RYR3: variants seen among roughly 807,000 people sequenced by gnomAD.
RYR3 encodes ryanodine receptor 3.
A neutral mutation model predicts 584.3 loss-of-function variants in RYR3; 207 were observed. That is an observed-to-expected ratio of 0.35 (90% CI 0.32 to 0.40). RYR3 has a LOEUF of 0.40. RYR3 is among the 10% of genes least tolerant of loss of function. The pLI, the probability that RYR3 is intolerant of heterozygous loss-of-function variation, is 1.00. For missense variants in RYR3, 5,616 were observed against 6,089.2 expected, an observed-to-expected ratio of 0.92 and a Z score of 2.59; for synonymous variants, 2,416 against 2,248.5, an observed-to-expected ratio of 1.07 and a Z score of -2.11.
At chr15:33,478,498 G>A (rs8034738) in intron 2 of RYR3, among the ~76,000 whole-genome samples, 23,253 of 152,140 alleles carry the variant, frequency 0.15, 4,725 homozygotes, top group African/African-American at 0.47. Flanking sequence ...AATACGTATT[G>A]ATAGTCTTCC....
chr15:33,478,554 C>T (rs1277871321), intron 2 of RYR3, among the ~76,000 whole-genome samples: 1 of 152,148 alleles, frequency 6.6e-6, no homozygotes, highest in Non-Finnish European at 1.5e-5. Context: ...TCACCACAAG[C>T]AATGTACCCT....
chr15:33,483,574 T>A (rs528060367), intron 2 of RYR3, among the ~76,000 whole-genome samples: 1 of 152,306 alleles, frequency 6.6e-6, no homozygotes, highest in South Asian at 2.1e-4. Context: ...TCTTTTGGGA[T>A]TTTAATGAAA....
chr15:33,655,212 T>G (rs932374616), intron 32 of RYR3, among the ~76,000 whole-genome samples: 2 of 152,178 alleles, frequency 1.3e-5, no homozygotes, highest in Non-Finnish European at 2.9e-5. Context: ...AAGTAAAGTA[T>G]TATTCTTCTA....
intron 68 of RYR3, among the ~76,000 whole-genome samples, chr15:33,801,447 A>G (rs984874279): frequency 4.6e-5 from 7 of 152,210 alleles, no homozygotes; most frequent in Non-Finnish European, 8.8e-5. Context: ...TTCTCTACAG[A>G]ATGTGAATTT....
intron 67 of RYR3, among the ~76,000 whole-genome samples, chr15:33,798,647 C>A (rs1447649367): frequency 6.6e-6 from 1 of 152,168 alleles, no homozygotes; most frequent in Admixed American, 6.5e-5. Flanking sequence ...TAAAGGGAAG[C>A]TGGGTAATGT....
intron 43 of RYR3, among the ~76,000 whole-genome samples, chr15:33,710,042 G>A (rs1030756460): frequency 4.6e-5 from 7 of 152,172 alleles, no homozygotes; most frequent in Non-Finnish European, 8.8e-5. Context: ...TGGTAAAATG[G>A]ACTAGAAGAG....
intron 1 of RYR3, among the ~76,000 whole-genome samples, chr15:33,357,981 C>T (rs1373577212): frequency 6.6e-6 from 1 of 152,248 alleles, no homozygotes; most frequent in African/African-American, 2.4e-5. Context: ...TCTGTCCTTG[C>T]ATTTGCCAGG....
At chr15:33,537,019 T>G (rs2055389183) in intron 5 of RYR3, among the ~76,000 whole-genome samples, 1 of 152,264 alleles carries the variant, frequency 6.6e-6, no homozygotes, top group African/African-American at 2.4e-5. Flanking sequence ...ATCTATTTTA[T>G]TTAACTATCA....
chr15:33,763,721 G>T (rs1335526958), intron 60 of RYR3, among the ~76,000 whole-genome samples: 1 of 151,656 alleles, frequency 6.6e-6, no homozygotes, highest in Admixed American at 6.6e-5. Context: ...GTGAAACCCC[G>T]TCTCTACTAA....
chr15:33,475,241 G>A (rs1201918757), intron 2 of RYR3, among the ~76,000 whole-genome samples: 2 of 152,122 alleles, frequency 1.3e-5, no homozygotes, highest in Non-Finnish European at 2.9e-5. Flanking sequence ...GAAGTGTGTT[G>A]ACCTAAATTA....
intron 98 of RYR3, 119 bp downstream of exon 98, chr15:33,855,031 C>G: frequency 1.9e-6 from 2 of 1,041,644 alleles, no homozygotes; most frequent in Non-Finnish European, 2.6e-6. Flanking sequence ...ATGTACTTTT[C>G]TTGGCCAAAC....
At chr15:33,681,919 C>T (rs1234370049) in intron 38 of RYR3, among the ~76,000 whole-genome samples, 1 of 152,188 alleles carries the variant, frequency 6.6e-6, no homozygotes, top group Non-Finnish European at 1.5e-5. Flanking sequence ...GGCCAACCTC[C>T]ACTCTTCGAT....
intron 12 of RYR3, among the ~76,000 whole-genome samples, chr15:33,578,714 C>T (rs958229647): frequency 4.0e-5 from 6 of 151,328 alleles, no homozygotes; most frequent in Non-Finnish European, 8.8e-5. Context: ...CCGTGGCACA[C>T]GTCTGTGTAA....
rs1261733605 is a variant in RYR3, at chr15:33,865,271, A to G, written c.*45A>G. ...GACAATTCTGGACAGTCAACTTCCC[A>G]TGAAATAAAGTCCCCTTTTTACAGT... On this transcript the variant is annotated 3_prime_UTR_variant, in exon 104 of 104. Transcript: ENST00000634891. 2 of 1,416,694 alleles carry G rather than the reference A, an allele frequency of 1.4e-6. No individual in the cohort carries two copies. Among genetic ancestry groups the G allele is most frequent in the Admixed American group, 3.6e-5 (2 of 56,292 alleles). The allele number at this position is 1,416,694 out of a possible 1,614,324, so 87.8% of individuals were successfully genotyped here. A position where few individuals can be genotyped will look rare whatever the true frequency, so the allele number is the denominator to read the frequency against.
intron 98 of RYR3, 49 bp from the exon 99 acceptor site, chr15:33,857,731 G>A: frequency 1.9e-6 from 3 of 1,609,766 alleles, no homozygotes; most frequent in Non-Finnish European, 2.5e-6. Flanking sequence ...AACCTTTCAA[G>A]GTAGAGAAGA....
At chr15:33,785,548 G>A (rs1459596175) in intron 65 of RYR3, 114 bp from the exon 66 acceptor site, 2 of 852,614 alleles carry the variant, frequency 2.3e-6, no homozygotes, top group South Asian at 1.9e-5. Context: ...GCTCACTGCT[G>A]TGAAGCTCTA....
At chr15:33,808,496 ATATT>A (rs2076327045) in intron 70 of RYR3, among the ~76,000 whole-genome samples, 2 of 152,226 alleles carry the variant, frequency 1.3e-5, no homozygotes, top group Non-Finnish European at 2.9e-5. Context: ...ACTTTTGAGC[ATATT>A]TATTCGATTG....
chr15:33,756,132 T>C (rs771625076), intron 58 of RYR3, among the ~76,000 whole-genome samples, 174 bp from the exon 59 acceptor site: 27 of 152,190 alleles, frequency 1.8e-4, no homozygotes, highest in Non-Finnish European at 2.6e-4. Context: ...GCTTAAAGAA[T>C]TGACACAAGA....
At chr15:33,481,533 T>G (rs2049965548) in intron 2 of RYR3, among the ~76,000 whole-genome samples, 1 of 152,044 alleles carries the variant, frequency 6.6e-6, no homozygotes, top group Admixed American at 6.6e-5. Context: ...CAGGCTGGAG[T>G]GCAATGATGC....
Sources: gnomAD v4.1 joint callset for allele counts (sites outside exome capture counted in the v4.1 genomes callset) on GRCh38, gnomAD v4.1.1 for gene constraint, MANE v1.5 for transcripts, NCBI Gene and HGNC (gene_info 2026-07-23, HGNC 2026-07-21) for gene names.